The following VPS13D variants were observed in gnomAD, a reference collection of about 807,000 sequenced individuals.
The protein encoded by VPS13D is vacuolar protein sorting 13 homolog D.
VPS13D carries 187 observed loss-of-function variants against 461.9 expected under a neutral mutation model. The observed-to-expected ratio is 0.40, with a 90% confidence interval of 0.36 to 0.46. The LOEUF (loss-of-function observed/expected upper bound fraction) is 0.46. Ranked by LOEUF, VPS13D falls within the 20% of genes least tolerant of loss-of-function variation. The probability of loss-of-function intolerance (pLI) is 0.60; values close to 1 mark genes in which losing one functional copy is unlikely to be tolerated. For missense variants in VPS13D, 4,711 were observed against 5,364.9 expected (o/e 0.88, Z 3.81); for synonymous variants, 1,951 against 1,986.3 (o/e 0.98, Z 0.47).
chr1:12,277,008 A>G lies in VPS13D; in HGVS notation c.3420A>G (p.Gln1140=). Residue 1140 remains glutamine (Q), a synonymous_variant, in exon 19 of 70, where the codon CAA becomes CAG. Coordinates refer to ENST00000620676, the MANE Select transcript of VPS13D (RefSeq NM_015378.4). ...FPKEKDDLSP[Q]PLMTDFERSF... is the part of the protein sequence containing the mutation. Reference sequence around the variant, plus strand: ...AGGAAAAAGATGATTTAAGTCCTCAACCTTTAATGACTGATTTTGAAAGAA... The same window carrying G: ...AGGAAAAAGATGATTTAAGTCCTCAGCCTTTAATGACTGATTTTGAAAGAA... 4.3e-6 allele frequency: 7 copies of G among 1,614,156 alleles called. No homozygotes were observed. Among genetic ancestry groups the G allele is most frequent in the Non-Finnish European group, 5.9e-6 (7 of 1,180,036 alleles).
At chr1:12,254,513 CTTTTTTT>C (rs1017635589) in intron 7 of VPS13D, among the ~76,000 whole-genome samples, 5 of 78,238 alleles carry the variant, frequency 6.4e-5, no homozygotes, top group African/African-American at 9.9e-5. Flanking sequence ...AAATCTCAAT[CTTTTTTT>C]TTTTTTTTTT....
In VPS13D at chr1:12,372,483, G is replaced by A. The variant is rs568137859; in HGVS notation, c.10809-1267G>A. ...CTAATGATGTTATGCGTCTTTTCAT[G>A]TGCTTATTAGTCATTTGTGTATATT... is the stretch of plus-strand genomic sequence containing the variant. On this transcript the variant is annotated intron_variant, in intron 54 of 69. Coordinates refer to ENST00000620676, the MANE Select transcript of VPS13D (RefSeq NM_015378.4). Among the ~76,000 whole-genome samples, 101 of 152,238 alleles carry A rather than the reference G, an allele frequency of 6.6e-4. No individual in the cohort carries two copies. In the South Asian group the frequency reaches 0.013, roughly 20 times the overall value.
chr1:12,355,217 C>G (rs1342384486), intron 47 of VPS13D, among the ~76,000 whole-genome samples: 1 of 152,196 alleles, frequency 6.6e-6, no homozygotes, highest in Non-Finnish European at 1.5e-5. Flanking sequence ...GGTCTTCAAT[C>G]TTGTCTACCT....
At chr1:12,492,222 G>C (rs1645892466) in intron 67 of VPS13D, among the ~76,000 whole-genome samples, 1 of 152,234 alleles carries the variant, frequency 6.6e-6, no homozygotes, top group Admixed American at 6.5e-5. Flanking sequence ...ACCAATGGCA[G>C]GATCTGCAGC....
chr1:12,510,554 T>C lies in VPS13D; in HGVS notation c.*1530T>C, dbSNP rs991838982. Reference sequence around the variant, plus strand: ...GTGTGTGTGTGTGTGTGTGTGTGTGTGCGCGCGCGCGCGTGCATGCAGAGA... The same window carrying C: ...GTGTGTGTGTGTGTGTGTGTGTGTGCGCGCGCGCGCGCGTGCATGCAGAGA... On this transcript the variant is annotated 3_prime_UTR_variant, in exon 70 of 70. Coordinates refer to ENST00000620676, the MANE Select transcript of VPS13D (RefSeq NM_015378.4). 7.0e-3 allele frequency: 1,028 copies of C among 147,346 alleles called. 7 individuals carry two copies. The highest frequency in any genetic ancestry group is 0.011 in the Middle Eastern group (3 of 284). The allele number at this position is 147,346 out of a possible 1,614,324, so 9.1% of individuals were successfully genotyped here.
At chr1:12,364,224 C>G (rs911870099) in intron 52 of VPS13D, among the ~76,000 whole-genome samples, 7 of 152,096 alleles carry the variant, frequency 4.6e-5, no homozygotes, top group Admixed American at 4.6e-4. Context: ...TCCTCATTCC[C>G]ATTCCCCTTA....
At position 12,456,212 on chromosome 1, in the gene VPS13D, A is replaced by T. The variant is rs1431665710; in HGVS notation, c.12466+82A>T. Reference sequence around the variant, plus strand: ...ATCAATCTGATTGCAGCTATAAAAAAAGAAAGGTGGGCTGGGCGCGGTGGC... The same window carrying T: ...ATCAATCTGATTGCAGCTATAAAAATAGAAAGGTGGGCTGGGCGCGGTGGC... On this transcript the variant is annotated intron_variant, in intron 66 of 69. Coordinates refer to ENST00000620676, the MANE Select transcript of VPS13D (RefSeq NM_015378.4). The T allele has an allele frequency of 1.9e-5, 28 of 1,507,386 alleles. No homozygotes were observed. The East Asian group carries it at 6.1e-4, about 33-fold the overall frequency. 93.4% of individuals were successfully genotyped at this position (1,507,386 alleles called of 1,614,324 possible).
chr1:12,331,711 T>TAAAAAAA (rs757913489), intron 37 of VPS13D, among the ~76,000 whole-genome samples: 9 of 106,164 alleles, frequency 8.5e-5, no homozygotes, highest in African/African-American at 1.1e-4. Flanking sequence ...GACTCTGTCT[T>TAAAAAAA]AAAAAAAAAA....
At chr1:12,493,259 C>T (rs996738329) in intron 67 of VPS13D, among the ~76,000 whole-genome samples, 3 of 150,508 alleles carry the variant, frequency 2.0e-5, no homozygotes, top group Admixed American at 6.6e-5. Flanking sequence ...GAGGCCGAGG[C>T]GGGTGGATCA....
intron 44 of VPS13D, among the ~76,000 whole-genome samples, chr1:12,348,565 T>C (rs1643726346): frequency 6.6e-6 from 1 of 152,234 alleles, no homozygotes; most frequent in Non-Finnish European, 1.5e-5. Context: ...GACTGATTTT[T>C]CTTAGTGACA....
At position 12,343,594 on chromosome 1, in the gene VPS13D, C is replaced by A. The variant is rs1557721673; in HGVS notation, c.8885+543C>A. ...CTCACTGTGTTGCCCAGGCTGGTCT[C>A]AAACTCCTGGGCTCAAGCAGTTCTC... On this transcript the variant is annotated intron_variant, in intron 42 of 69. Coordinates refer to ENST00000620676, the MANE Select transcript of VPS13D (RefSeq NM_015378.4). Among the ~76,000 whole-genome samples, 4 of 152,004 alleles carry A rather than the reference C, an allele frequency of 2.6e-5. No homozygotes were observed. The South Asian group carries it at 8.3e-4, about 32-fold the overall frequency.
chr1:12,469,607 T>C (rs1553126071), intron 67 of VPS13D, among the ~76,000 whole-genome samples: 1 of 152,216 alleles, frequency 6.6e-6, no homozygotes, highest in Non-Finnish European at 1.5e-5. Context: ...TCGGCAATGA[T>C]GGGCTAATTC....
intron 59 of VPS13D, among the ~76,000 whole-genome samples, chr1:12,385,832 A>G (rs754763721): frequency 3.3e-5 from 5 of 152,228 alleles, no homozygotes; most frequent in Non-Finnish European, 7.3e-5. Flanking sequence ...GTTGGGTGCT[A>G]TGGAAGTGTA....
At chr1:12,300,309 G>A (rs1642389086) in intron 25 of VPS13D, among the ~76,000 whole-genome samples, 1 of 147,838 alleles carries the variant, frequency 6.8e-6, no homozygotes. Context: ...CTGGGTTTAA[G>A]CAATTCTCCC....
At chr1:12,411,083 T>TAGC (rs765524192) in intron 63 of VPS13D, among the ~76,000 whole-genome samples, 1 of 152,228 alleles carries the variant, frequency 6.6e-6, no homozygotes, top group Non-Finnish European at 1.5e-5. Context: ...CTTTCACCGT[T>TAGC]ACACGGGAGT....
Position 12,419,284 on chromosome 1 carries a change from C to T in VPS13D, c.12333+2457C>T, listed in dbSNP as rs533452498. Among the ~76,000 whole-genome samples, 4 of 152,184 alleles carry T rather than the reference C, an allele frequency of 2.6e-5. 1 individual carries two copies. The highest frequency in any genetic ancestry group is 9.6e-5 in the African/African-American group (4 of 41,504). ...CTTCCCTTCCCATGGGGTTGGGTTC[C>T]TTCATATAGTTGTCTTGCCTTTAAT... is the stretch of plus-strand genomic sequence containing the variant. On this transcript the variant is annotated intron_variant, in intron 65 of 69. Coordinates refer to ENST00000620676, the MANE Select transcript of VPS13D (RefSeq NM_015378.4).
intron 52 of VPS13D, among the ~76,000 whole-genome samples, chr1:12,363,947 A>G (rs1305101926): frequency 2.9e-5 from 2 of 69,186 alleles, no homozygotes; most frequent in Non-Finnish European, 5.3e-5. Flanking sequence ...GTAAGACTCT[A>G]TCTCAAAAAA....
At chr1:12,253,117 C>T (rs1003666222) in intron 6 of VPS13D, among the ~76,000 whole-genome samples, 2 of 149,716 alleles carry the variant, frequency 1.3e-5, no homozygotes, top group East Asian at 2.0e-4. Flanking sequence ...GAGATCGTGC[C>T]GTTGTACTCC....
At chr1:12,292,748 GT>G (rs1051562887) in intron 23 of VPS13D, among the ~76,000 whole-genome samples, 11 of 151,700 alleles carry the variant, frequency 7.3e-5, no homozygotes, top group Non-Finnish European at 1.5e-4. Flanking sequence ...CAGTGTGTGT[GT>G]TTTTTTTAAA....
Sources: allele counts gnomAD v4.1 joint callset (sites outside exome capture counted in the v4.1 genomes callset), GRCh38; gene constraint gnomAD v4.1.1; transcripts MANE v1.5; gene names NCBI Gene and HGNC (gene_info 2026-07-23, HGNC 2026-07-21).